RAP1GDS1: variants seen among roughly 807,000 people sequenced by gnomAD.
The protein encoded by RAP1GDS1 is RAP1, GTP-GDP dissociation stimulator 1.
RAP1GDS1 carries 35 observed loss-of-function variants against 71.1 expected under a neutral mutation model. That is an observed-to-expected ratio of 0.49 (90% CI 0.38 to 0.65). RAP1GDS1 has a LOEUF of 0.65. RAP1GDS1 is among the 30% of genes least tolerant of loss of function. The pLI is 0.00. For synonymous variants in RAP1GDS1, 229 were observed against 243.1 expected, an observed-to-expected ratio of 0.94 and a Z score of 0.54; for missense variants, 663 against 706.1, an observed-to-expected ratio of 0.94 and a Z score of 0.69.
chr4:98,347,482 C>T (rs1164694104), intron 3 of RAP1GDS1, among the ~76,000 whole-genome samples: 1 of 152,108 alleles, frequency 6.6e-6, no homozygotes, highest in Non-Finnish European at 1.5e-5. Context: ...CCTTAAACCT[C>T]TGTATTGAAT....
intron 5 of RAP1GDS1, among the ~76,000 whole-genome samples, chr4:98,386,131 A>G (rs1343205219): frequency 6.6e-6 from 1 of 151,836 alleles, no homozygotes; most frequent in African/African-American, 2.4e-5. Flanking sequence ...TTTAATCAGA[A>G]TAAACATATC....
At chr4:98,396,387 CTTGCTGAT>C (rs1744552972) in intron 6 of RAP1GDS1, 1 of 152,286 alleles carries the variant, frequency 6.6e-6, no homozygotes, top group South Asian at 2.1e-4. Flanking sequence ...CCTTGTCTAC[CTTGCTGAT>C]TTCTCTGGTA....
At chr4:98,361,345 A>C (rs1738722158) in intron 4 of RAP1GDS1, among the ~76,000 whole-genome samples, 1 of 152,118 alleles carries the variant, frequency 6.6e-6, no homozygotes, top group South Asian at 2.1e-4. Context: ...AAATTGGAAC[A>C]ATAAATTACA....
intron 5 of RAP1GDS1, among the ~76,000 whole-genome samples, chr4:98,381,479 C>T (rs1159637689): frequency 6.6e-6 from 1 of 151,450 alleles, no homozygotes; most frequent in African/African-American, 2.4e-5. Context: ...TTTCTCTTTT[C>T]CTTAAAATTT....
chr4:98,299,121 T>C (rs1728205047), intron 2 of RAP1GDS1, among the ~76,000 whole-genome samples: 1 of 152,182 alleles, frequency 6.6e-6, no homozygotes, highest in African/African-American at 2.4e-5. Flanking sequence ...AGTGTTCTCA[T>C]TGTTCAATTC....
chr4:98,309,466 G>C (rs1330432476), intron 2 of RAP1GDS1, among the ~76,000 whole-genome samples: 2 of 151,760 alleles, frequency 1.3e-5, no homozygotes, highest in Non-Finnish European at 2.9e-5. Context: ...ATGAATATAT[G>C]TGAATATGCA....
intron 1 of RAP1GDS1, among the ~76,000 whole-genome samples, chr4:98,283,806 A>ACCC (rs1424924969): frequency 6.8e-6 from 1 of 146,868 alleles, no homozygotes; most frequent in Non-Finnish European, 1.5e-5. Flanking sequence ...TTCCTGGTAC[A>ACCC]TTTCATTGTG....
At chr4:98,373,397 C>T (rs1266718615) in intron 4 of RAP1GDS1, among the ~76,000 whole-genome samples, 4 of 151,648 alleles carry the variant, frequency 2.6e-5, no homozygotes, top group East Asian at 2.0e-4. Flanking sequence ...CCCTCCCTCT[C>T]CCTCTCTCTC....
chr4:98,261,482 A>C lies in RAP1GDS1; in HGVS notation c.-84A>C. ...CCCTCCCTGGCTGCGGGAGAGACGG[A>C]GGTAGAGGGAGGACACAGAGCCGCG... On this transcript the variant is annotated 5_prime_UTR_variant, in exon 1 of 15. Transcript: ENST00000408927. 2 of 1,407,296 alleles carry C rather than the reference A, an allele frequency of 1.4e-6. No homozygotes were observed. Among genetic ancestry groups the C allele is most frequent in the Non-Finnish European group, 1.9e-6 (2 of 1,035,798 alleles). 87.2% of individuals were successfully genotyped at this position (1,407,296 alleles called of 1,614,324 possible).
chr4:98,351,777 A>G (rs1369493911), intron 3 of RAP1GDS1, among the ~76,000 whole-genome samples: 1 of 151,968 alleles, frequency 6.6e-6, no homozygotes, highest in African/African-American at 2.4e-5. Flanking sequence ...ATGGCATACC[A>G]TAAAAATAAG....
intron 4 of RAP1GDS1, among the ~76,000 whole-genome samples, chr4:98,360,155 T>G (rs1738516244): frequency 6.6e-6 from 1 of 152,206 alleles, no homozygotes; most frequent in Non-Finnish European, 1.5e-5. Context: ...TTTTTCCCCA[T>G]GCTTGATTAC....
intron 1 of RAP1GDS1, among the ~76,000 whole-genome samples, chr4:98,286,337 A>G (rs563348451): frequency 3.3e-5 from 5 of 152,088 alleles, no homozygotes; most frequent in African/African-American, 1.2e-4. Context: ...ATCCAGACAC[A>G]ATGTATGTGA....
intron 1 of RAP1GDS1, among the ~76,000 whole-genome samples, chr4:98,275,050 G>A (rs1724006194): frequency 6.7e-6 from 1 of 150,144 alleles, no homozygotes. Flanking sequence ...GTGTGTGTGT[G>A]TCTGTGTGGA....
intron 12 of RAP1GDS1, among the ~76,000 whole-genome samples, chr4:98,426,483 AAAG>A (rs1200310011): frequency 5.9e-5 from 9 of 152,036 alleles, no homozygotes; most frequent in Non-Finnish European, 1.2e-4. Flanking sequence ...ATAACCAAGA[AAAG>A]AAGAGAGAAA....
chr4:98,437,791 CAA>C (rs374755985), intron 14 of RAP1GDS1, among the ~76,000 whole-genome samples: 5 of 124,828 alleles, frequency 4.0e-5, no homozygotes, highest in Non-Finnish European at 1.7e-5. Context: ...GACTCTGTCT[CAA>C]AAAAAAAAAA....
At chr4:98,319,647 G>C (rs917881102) in intron 2 of RAP1GDS1, among the ~76,000 whole-genome samples, 8 of 151,896 alleles carry the variant, frequency 5.3e-5, no homozygotes, top group African/African-American at 1.9e-4. Context: ...CCAACATGGT[G>C]GTGCACACCT....
At chr4:98,390,795 G>A (rs1743503902) in intron 5 of RAP1GDS1, among the ~76,000 whole-genome samples, 1 of 152,118 alleles carries the variant, frequency 6.6e-6, no homozygotes, top group Admixed American at 6.5e-5. Context: ...GGAACTATGA[G>A]GAACGTGTTT....
intron 4 of RAP1GDS1, among the ~76,000 whole-genome samples, chr4:98,353,183 G>A (rs546945306): frequency 6.6e-5 from 10 of 152,208 alleles, no homozygotes; most frequent in East Asian, 1.9e-4. Flanking sequence ...TTGTAACAGC[G>A]TTAACAATTT....
At chr4:98,295,310 C>T (rs1727578607) in intron 2 of RAP1GDS1, among the ~76,000 whole-genome samples, 1 of 152,030 alleles carries the variant, frequency 6.6e-6, no homozygotes, top group South Asian at 2.1e-4. Flanking sequence ...ACAATAAACT[C>T]TCACCAATTT....
Sources: allele counts gnomAD v4.1 joint callset (sites outside exome capture counted in the v4.1 genomes callset), GRCh38; gene constraint gnomAD v4.1.1; transcripts MANE v1.5; gene names NCBI Gene and HGNC (gene_info 2026-07-23, HGNC 2026-07-21).